TNS3: variants seen among roughly 807,000 people sequenced by gnomAD.
TNS3 encodes tensin-3.
TNS3 carries 45 observed loss-of-function variants against 140.9 expected under a neutral mutation model. That is an observed-to-expected ratio of 0.32 (90% CI 0.25 to 0.41). The LOEUF (loss-of-function observed/expected upper bound fraction) is 0.41, where lower values mean the gene tolerates loss of function less well. TNS3 is among the 10% of genes least tolerant of loss of function. TNS3 has a pLI of 1.00. For missense variants in TNS3, 1,716 were observed against 1,906.7 expected, an observed-to-expected ratio of 0.90 and a Z score of 1.86; for synonymous variants, 815 against 788.4, an observed-to-expected ratio of 1.03 and a Z score of -0.56.
rs1286100129 is a variant in TNS3 at position 47,418,051 on chromosome 7, G to C, written c.474-2845C>G. Among the ~76,000 whole-genome samples, 6 of 152,368 alleles carry C rather than the reference G, an allele frequency of 3.9e-5. No homozygotes were observed. In the East Asian group the frequency reaches 1.2e-3, roughly 29 times the overall value. On this transcript the variant is annotated intron_variant, in intron 10 of 30. Transcript: ENST00000311160. ...CGCCTATAATCCCAGCACTCTGGGAGGCTGAGGTGGGAGGATCACCTGAGG... is the reference window on the plus strand; with the variant it reads ...CGCCTATAATCCCAGCACTCTGGGACGCTGAGGTGGGAGGATCACCTGAGG...
rs1793513422 is a variant in TNS3 at position 47,407,481 on chromosome 7, A to G, written c.723+4246T>C. On this transcript the variant is annotated intron_variant, in intron 13 of 30. Transcript: ENST00000311160. The surrounding 1 kb of genome is among the most constrained non-coding windows in gnomAD (Gnocchi z 4.1). ...CCGCACGCTGAACGTGCTCAGGATAAAGGCTGGTGACAAACCACAGCCACA... is the reference window on the plus strand; with the variant it reads ...CCGCACGCTGAACGTGCTCAGGATAGAGGCTGGTGACAAACCACAGCCACA... 6.6e-6 allele frequency among the ~76,000 whole-genome samples: 1 copy of G among 152,208 alleles called. No individual in the cohort carries two copies. The highest frequency in any genetic ancestry group is 2.4e-5 in the African/African-American group (1 of 41,452).
chr7:47,455,739 G>A (rs912672104), intron 4 of TNS3, among the ~76,000 whole-genome samples: 8 of 152,228 alleles, frequency 5.3e-5, no homozygotes, highest in African/African-American at 1.9e-4. Flanking sequence ...GGGAGAAGAA[G>A]AGCTCGTCTC....
intron 24 of TNS3, 89 bp downstream of exon 24, chr7:47,296,993 G>A: frequency 1.3e-6 from 2 of 1,495,364 alleles, no homozygotes; most frequent in South Asian, 1.3e-5. Flanking sequence ...TATTGTTAAA[G>A]TCATCTTTTA....
At chr7:47,350,382 G>A (rs1789596364) in intron 17 of TNS3, among the ~76,000 whole-genome samples, 1 of 152,232 alleles carries the variant, frequency 6.6e-6, no homozygotes, top group Admixed American at 6.5e-5. Flanking sequence ...TCTGCCAAGT[G>A]TCTAAGTAAA....
intron 17 of TNS3, among the ~76,000 whole-genome samples, chr7:47,350,278 C>G (rs1037620869): frequency 1.3e-5 from 2 of 152,204 alleles, no homozygotes; most frequent in African/African-American, 4.8e-5. Context: ...CGGACATGTC[C>G]TGATGGGGCA....
In TNS3 at chr7:47,302,271, A is replaced by G. The variant is rs1486663209; in HGVS notation, c.3459T>C (p.Asp1153=). The G allele has an allele frequency of 6.2e-7, 1 of 1,613,496 alleles. No individual in the cohort carries two copies. The highest frequency in any genetic ancestry group is 1.7e-5 in the Admixed American group (1 of 60,014). ...CGATCACAAGTTTATCACCTGGACT[A>G]TCTGTAAAGCAAAATTTAAAAACAG... The part of the protein sequence containing the change: ...KASEAASPLP[D]SPGDKLVIVK... The change falls in exon 23 of 31, where the codon GAT becomes GAC. Residue 1153 remains aspartate, a splice_region_variant and synonymous_variant. Transcript: ENST00000311160.
rs1376963567 is a variant in TNS3 at position 47,400,847 on chromosome 7, G to A, written c.791C>T (p.Thr264Ile). 3 of 1,614,254 alleles carry A rather than the reference G, an allele frequency of 1.9e-6. No individual in the cohort carries two copies. The highest frequency in any genetic ancestry group is 2.5e-6 in the Non-Finnish European group (3 of 1,180,038). ...RDVIFRLQFH[T>I]GAVQGYGLVF... Reference sequence around the variant, plus strand: ...CAGCCCGTAGCCCTGCACAGCCCCAGTGTGAAACTGCAGGCGGAAAATGAC... The same window carrying A: ...CAGCCCGTAGCCCTGCACAGCCCCAATGTGAAACTGCAGGCGGAAAATGAC... Residue 264 changes from threonine to isoleucine, a missense_variant, in exon 14 of 31, where the codon ACT (threonine) becomes ATT (isoleucine). Physicochemically the swap from Thr to Ile is moderately conservative, Grantham distance 89. Around this residue, in one of 3 missense-constraint regions of TNS3, gnomAD observed 337 missense variants for 428.9 expected, o/e 0.79. Transcript: ENST00000311160.
At chr7:47,503,342 G>A (rs1798296857) in intron 3 of TNS3, among the ~76,000 whole-genome samples, 1 of 151,782 alleles carries the variant, frequency 6.6e-6, no homozygotes, top group African/African-American at 2.4e-5. Flanking sequence ...ATTTCCTTCA[G>A]GGGGGCACCA....
At chr7:47,548,284 T>C (rs979579694) in intron 1 of TNS3, among the ~76,000 whole-genome samples, 1 of 152,176 alleles carries the variant, frequency 6.6e-6, no homozygotes, top group Admixed American at 6.5e-5. Context: ...CATCCCATCT[T>C]TGAAAACACA....
In TNS3 at chr7:47,435,302, C is replaced by T; in HGVS notation, c.304G>A (p.Val102Met). Residue 102 changes from valine to methionine, a missense_variant, in exon 8 of 31, where the codon GTG (valine) becomes ATG (methionine). Physicochemically the swap from Val to Met is conservative, Grantham distance 21. Coordinates refer to ENST00000311160, the MANE Select transcript of TNS3 (RefSeq NM_022748.12). ...CTCACCCTGCAGTGAATGACGACCA[C>T]ATGCTGGAGGTTGCTGTTCAGCCAG... ...ESWLNSNLQHVVVIHCRGGKG... is the reference protein window; with the variant it reads ...ESWLNSNLQHMVVIHCRGGKG... 3 of 1,614,148 alleles carry T rather than the reference C, an allele frequency of 1.9e-6. No homozygotes were observed. The highest frequency in any genetic ancestry group is 2.5e-6 in the Non-Finnish European group (3 of 1,180,026).
At chr7:47,286,284 T>G (rs1274858320) in intron 27 of TNS3, among the ~76,000 whole-genome samples, 1 of 152,158 alleles carries the variant, frequency 6.6e-6, no homozygotes, top group Non-Finnish European at 1.5e-5. Flanking sequence ...GGTAGCAATC[T>G]GCTGTTTGGG....
intron 8 of TNS3, 77 bp downstream of exon 8, chr7:47,435,205 T>G: frequency 6.3e-7 from 1 of 1,583,600 alleles, no homozygotes; most frequent in Non-Finnish European, 8.6e-7. Context: ...TGTGCTCAGA[T>G]GCAGCATTGG....
chr7:47,434,309 G>GA (rs34227350), intron 8 of TNS3, among the ~76,000 whole-genome samples: 52,827 of 130,506 alleles, frequency 0.4, 10,733 homozygotes, highest in Middle Eastern at 0.52. Context: ...GAGTCCGGAA[G>GA]AAAAAAAAAA....
At position 47,496,363 on chromosome 7, in the gene TNS3, G is replaced by A. The variant is rs186940088; in HGVS notation, c.-115+10544C>T. Among the ~76,000 whole-genome samples, 641 of 152,248 alleles carry A rather than the reference G, an allele frequency of 4.2e-3. 3 individuals carry two copies. The highest frequency in any genetic ancestry group is 0.014 in the African/African-American group (574 of 41,534). ...CCTGGGGCCACATGTGTGGAAGGAGGGACGTTTCCCCTGTGACCAGAGCTG... is the reference window on the plus strand; with the variant it reads ...CCTGGGGCCACATGTGTGGAAGGAGAGACGTTTCCCCTGTGACCAGAGCTG... On this transcript the variant is annotated intron_variant, in intron 3 of 30. Transcript: ENST00000311160.
intron 2 of TNS3, among the ~76,000 whole-genome samples, chr7:47,521,182 CCA>C (rs1428810904): frequency 6.6e-6 from 1 of 152,128 alleles, no homozygotes; most frequent in Non-Finnish European, 1.5e-5. Flanking sequence ...CTGACAATGC[CCA>C]CACTCCCTGC....
At chr7:47,532,106 T>C (rs2151946013) in intron 1 of TNS3, among the ~76,000 whole-genome samples, 1 of 152,216 alleles carries the variant, frequency 6.6e-6, no homozygotes, top group African/African-American at 2.4e-5. Context: ...GAGTGTCTAT[T>C]CTGGCTGCCT....
chr7:47,482,390 C>T lies in TNS3; in HGVS notation c.-114-1249G>A, dbSNP rs541416160. Among the ~76,000 whole-genome samples the T allele has an allele frequency of 1.2e-3, 181 of 152,212 alleles. 1 individual carries two copies. Among genetic ancestry groups the T allele is most frequent in the African/African-American group, 3.7e-3 (153 of 41,526 alleles). On this transcript the variant is annotated intron_variant, in intron 3 of 30. Transcript: ENST00000311160. ...TACTCCACCATGGCTCTGACTCAGA[C>T]GGATGTCTGGGGCAGGGGTCCTCTC... is the stretch of plus-strand genomic sequence containing the variant.
chr7:47,523,596 G>A (rs1452849438), intron 2 of TNS3, among the ~76,000 whole-genome samples: 1 of 152,212 alleles, frequency 6.6e-6, no homozygotes, highest in African/African-American at 2.4e-5. Context: ...AGTGCCTTGA[G>A]TGGGGGTCCC....
chr7:47,287,254 G>A (rs950637429), intron 27 of TNS3, among the ~76,000 whole-genome samples: 1 of 152,094 alleles, frequency 6.6e-6, no homozygotes, highest in Admixed American at 6.5e-5. Flanking sequence ...ATTAAGAACC[G>A]AGGCTTAAAA....
Sources: gnomAD v4.1 joint callset for allele counts (sites outside exome capture counted in the v4.1 genomes callset) on GRCh38, gnomAD v4.1.1 for gene constraint, gnomAD v4.1.1 regional missense constraint, Gnocchi (gnomAD v3.1) non-coding constraint, MANE v1.5 for transcripts, NCBI Gene and HGNC (gene_info 2026-07-23, HGNC 2026-07-21) for gene names.